The following CDK5RAP2 variants were observed in gnomAD, a reference collection of about 807,000 sequenced individuals.
CDK5RAP2 encodes the protein CDK5 regulatory subunit-associated protein 2.
Under a neutral mutation model 232.9 loss-of-function variants are expected in CDK5RAP2, and 147 were observed. The ratio of observed to expected loss-of-function variants is 0.63; its 90% CI spans 0.55 to 0.72. The LOEUF (loss-of-function observed/expected upper bound fraction) is 0.72. Ranked by LOEUF, CDK5RAP2 falls within the 30% of genes least tolerant of loss-of-function variation. The pLI, the probability that CDK5RAP2 is intolerant of heterozygous loss-of-function variation, is 0.00. For synonymous variants in CDK5RAP2, 833 were observed against 833.7 expected (o/e 1.00, Z 0.01); for missense variants, 2,195 against 2,231.5 (o/e 0.98, Z 0.33).
chr9:120,457,689 T>C (rs1008229685), intron 20 of CDK5RAP2, among the ~76,000 whole-genome samples: 24 of 152,252 alleles, frequency 1.6e-4, no homozygotes, highest in Non-Finnish European at 2.9e-5. Context: ...TCAAGAGTCA[T>C]GGGCAATCAT....
chr9:120,397,550 AAAAAAAAAAAAAAAAG>A (rs1255148729), intron 35 of CDK5RAP2, among the ~76,000 whole-genome samples: 2 of 139,564 alleles, frequency 1.4e-5, no homozygotes, highest in African/African-American at 5.7e-5. Flanking sequence ...TTCTTAAAAA[AAAAAAAAAAAAAAAAG>A]AAAAAAGAAA....
intron 25 of CDK5RAP2, among the ~76,000 whole-genome samples, chr9:120,432,596 C>T (rs2035350545): frequency 6.6e-6 from 1 of 152,184 alleles, no homozygotes; most frequent in African/African-American, 2.4e-5. Flanking sequence ...AGAAAAGGAG[C>T]TGTGGTGAGG....
intron 3 of CDK5RAP2, among the ~76,000 whole-genome samples, chr9:120,567,240 A>G (rs2042681075): frequency 6.6e-6 from 1 of 152,246 alleles, no homozygotes; most frequent in Non-Finnish European, 1.5e-5. Context: ...CCCAAAGCTC[A>G]GAAATTACTT....
chr9:120,530,569 A>C (rs914201001), intron 7 of CDK5RAP2, among the ~76,000 whole-genome samples: 4 of 152,220 alleles, frequency 2.6e-5, no homozygotes, highest in African/African-American at 9.6e-5. Flanking sequence ...TTCTCAGGGC[A>C]AAGTTTAAAA....
At chr9:120,476,996 C>A (rs923422804) in intron 15 of CDK5RAP2, among the ~76,000 whole-genome samples, 1 of 152,132 alleles carries the variant, frequency 6.6e-6, no homozygotes, top group African/African-American at 2.4e-5. Flanking sequence ...ATAGAAAACA[C>A]AGGGATAGCA....
In CDK5RAP2 at chr9:120,406,942, G is replaced by A. The variant is rs978320939; in HGVS notation, c.4963+70C>T. The A allele has an allele frequency of 4.6e-5, 53 of 1,159,760 alleles. 1 individual carries two copies. The African/African-American group carries it at 6.9e-4, about 15-fold the overall frequency. The allele number at this position is 1,159,760 out of a possible 1,614,324, so 71.8% of individuals were successfully genotyped here. ...CTCTGTGGGGCAAAGGCATCATTCAGAAGTTCACATGTCACACACAGATGC... is the reference window on the plus strand; with the variant it reads ...CTCTGTGGGGCAAAGGCATCATTCAAAAGTTCACATGTCACACACAGATGC... On this transcript the variant is annotated intron_variant, in intron 32 of 37. Coordinates refer to ENST00000349780, the MANE Select transcript of CDK5RAP2 (RefSeq NM_018249.6).
intron 25 of CDK5RAP2, among the ~76,000 whole-genome samples, chr9:120,436,034 G>A (rs903343579): frequency 6.6e-6 from 1 of 152,108 alleles, no homozygotes; most frequent in African/African-American, 2.4e-5. Flanking sequence ...GAATAACAAA[G>A]TATCTTCTAC....
At chr9:120,469,995 G>A (rs1222099523) in intron 17 of CDK5RAP2, 116 bp downstream of exon 17, 4 of 651,494 alleles carry the variant, frequency 6.1e-6, no homozygotes, top group African/African-American at 1.8e-5. Flanking sequence ...AAGGCAGAGG[G>A]GACAGGAAGG....
chr9:120,563,482 G>T (rs1294926568), intron 3 of CDK5RAP2, among the ~76,000 whole-genome samples: 1 of 152,164 alleles, frequency 6.6e-6, no homozygotes, highest in Non-Finnish European at 1.5e-5. Context: ...CGGAATCTTT[G>T]GATTAGAGCA....
intron 35 of CDK5RAP2, among the ~76,000 whole-genome samples, chr9:120,397,216 C>T (rs1289284798): frequency 2.0e-5 from 3 of 152,112 alleles, no homozygotes; most frequent in South Asian, 2.1e-4. Context: ...CAAACATTTA[C>T]GAAAGCAGAA....
intron 1 of CDK5RAP2, among the ~76,000 whole-genome samples, chr9:120,574,037 A>G (rs2042946604): frequency 6.6e-6 from 1 of 152,172 alleles, no homozygotes; most frequent in African/African-American, 2.4e-5. Context: ...GCCCATGAAT[A>G]ACTCAAGCCA....
intron 14 of CDK5RAP2, 30 bp from the exon 15 acceptor site, chr9:120,477,480 A>T: frequency 6.6e-7 from 1 of 1,509,556 alleles, no homozygotes. Context: ...TTTGACATTA[A>T]GGAAAGAATT....
intron 10 of CDK5RAP2, among the ~76,000 whole-genome samples, chr9:120,526,032 T>A (rs1564339633): frequency 6.6e-6 from 1 of 152,210 alleles, no homozygotes; most frequent in Non-Finnish European, 1.5e-5. Context: ...AACTATTCCT[T>A]CTGTCCCCTT....
intron 3 of CDK5RAP2, among the ~76,000 whole-genome samples, chr9:120,552,634 A>G (rs967913274): frequency 6.9e-6 from 1 of 144,926 alleles, no homozygotes; most frequent in African/African-American, 2.6e-5. Context: ...ATAGGTGGGA[A>G]TTGAACAATG....
chr9:120,523,465 T>C (rs940789600), intron 11 of CDK5RAP2, among the ~76,000 whole-genome samples: 3 of 152,214 alleles, frequency 2.0e-5, no homozygotes, highest in African/African-American at 7.2e-5. Context: ...CTTAGCTCCA[T>C]TTCATCAACC....
intron 1 of CDK5RAP2, among the ~76,000 whole-genome samples, chr9:120,576,707 CAA>C (rs556774765): frequency 7.4e-6 from 1 of 134,986 alleles, no homozygotes; most frequent in Non-Finnish European, 1.6e-5. Context: ...GTCTCAACGA[CAA>C]AAAAAAAAAG....
Position 120,481,790 on chromosome 9 carries a change from G to A in CDK5RAP2, c.1627-4340C>T, listed in dbSNP as rs555388758. On this transcript the variant is annotated intron_variant, in intron 14 of 37. Coordinates refer to ENST00000349780, the MANE Select transcript of CDK5RAP2 (RefSeq NM_018249.6). ...GGCCTCCCAAAGTGCTGGGATTACAGGCGTGAGCCACCGTGCCGGGCCTGT... is the reference window on the plus strand; with the variant it reads ...GGCCTCCCAAAGTGCTGGGATTACAAGCGTGAGCCACCGTGCCGGGCCTGT... Among the ~76,000 whole-genome samples the A allele has an allele frequency of 2.7e-4, 41 of 152,174 alleles. 1 individual carries two copies. The highest frequency in any genetic ancestry group is 4.9e-4 in the Non-Finnish European group (33 of 68,032).
intron 7 of CDK5RAP2, among the ~76,000 whole-genome samples, chr9:120,535,618 T>G (rs1427636643): frequency 2.0e-5 from 3 of 152,256 alleles, no homozygotes; most frequent in African/African-American, 7.2e-5. Flanking sequence ...ATTTAGTGAC[T>G]GCCAAATAAG....
At chr9:120,489,567 A>G (rs954085800) in intron 13 of CDK5RAP2, among the ~76,000 whole-genome samples, 1 of 152,052 alleles carries the variant, frequency 6.6e-6, no homozygotes, top group Non-Finnish European at 1.5e-5. Context: ...TTTCTGAAAG[A>G]CTTACTCAAC....
Sources: allele counts gnomAD v4.1 joint callset (sites outside exome capture counted in the v4.1 genomes callset), GRCh38; gene constraint gnomAD v4.1.1; transcripts MANE v1.5; gene names NCBI Gene and HGNC (gene_info 2026-07-23, HGNC 2026-07-21).